Variants in LRP1B observed in about 807,000 individuals in gnomAD.
LRP1B encodes low-density lipoprotein receptor-related protein 1B.
A neutral mutation model predicts 556.6 loss-of-function variants in LRP1B; 217 were observed. The ratio of observed to expected loss-of-function variants is 0.39; its 90% confidence interval spans 0.35 to 0.44. LRP1B has a LOEUF of 0.44. Among genes scored for constraint, LRP1B ranks in the 20% least tolerant of loss-of-function variants. The pLI is 1.00. For missense variants in LRP1B, 5,053 were observed against 5,620.8 expected (o/e 0.90, Z 3.23); for synonymous variants, 2,047 against 1,865.8 (o/e 1.10, Z -2.50).
At chr2:140,710,534 A>T (rs1686994501) in intron 37 of LRP1B, among the ~76,000 whole-genome samples, 1 of 152,004 alleles carries the variant, frequency 6.6e-6, no homozygotes, top group Admixed American at 6.6e-5. Context: ...CATGATTTAC[A>T]TTTTAAAAAC....
At chr2:141,226,464 A>G (rs924286337) in intron 6 of LRP1B, among the ~76,000 whole-genome samples, 2 of 152,176 alleles carry the variant, frequency 1.3e-5, no homozygotes, top group Non-Finnish European at 2.9e-5. Context: ...GTTAACTGCA[A>G]GTCAGTTTGA....
At chr2:141,576,840 T>G (rs1251270122) in intron 2 of LRP1B, among the ~76,000 whole-genome samples, 1 of 151,188 alleles carries the variant, frequency 6.6e-6, no homozygotes, top group Non-Finnish European at 1.5e-5. Context: ...AATTTTTTTG[T>G]AGAGATGGAG....
chr2:142,085,483 A>C (rs1441268599), intron 1 of LRP1B, among the ~76,000 whole-genome samples: 1 of 152,238 alleles, frequency 6.6e-6, no homozygotes, highest in Non-Finnish European at 1.5e-5. Context: ...GAAAAATGTT[A>C]ACTAAGTATT....
intron 2 of LRP1B, among the ~76,000 whole-genome samples, chr2:141,784,617 G>A (rs955208720): frequency 1.3e-5 from 2 of 151,882 alleles, no homozygotes; most frequent in Admixed American, 1.3e-4. Context: ...ACAAAAGCCA[G>A]AAATATGTTT....
intron 32 of LRP1B, among the ~76,000 whole-genome samples, chr2:140,797,785 C>T (rs1690369696): frequency 6.6e-6 from 1 of 151,898 alleles, no homozygotes; most frequent in Non-Finnish European, 1.5e-5. Context: ...AGTTCTATAC[C>T]TAAGGCACTT....
intron 53 of LRP1B, among the ~76,000 whole-genome samples, chr2:140,503,363 C>T (rs1227388455): frequency 6.6e-6 from 1 of 152,048 alleles, no homozygotes. Flanking sequence ...TGACCCTTGA[C>T]TATACCATTT....
intron 35 of LRP1B, among the ~76,000 whole-genome samples, chr2:140,724,803 G>C (rs538627407): frequency 1.2e-3 from 15 of 12,122 alleles, no homozygotes; most frequent in Middle Eastern, 0.12. Flanking sequence ...TTTAATTATC[G>C]AGATAAAAAA....
chr2:140,909,640 T>C (rs900783356), intron 21 of LRP1B, among the ~76,000 whole-genome samples: 8 of 150,992 alleles, frequency 5.3e-5, no homozygotes, highest in African/African-American at 1.7e-4. Context: ...CTAGGACAAT[T>C]AGGTAATAGA....
intron 2 of LRP1B, among the ~76,000 whole-genome samples, chr2:141,799,339 C>A (rs890012469): frequency 3.3e-5 from 5 of 152,176 alleles, no homozygotes; most frequent in Admixed American, 3.3e-4. Flanking sequence ...AGTGTTTTCC[C>A]CATTTGGCCA....
At chr2:140,802,442 T>C (rs1001439015) in intron 32 of LRP1B, among the ~76,000 whole-genome samples, 4 of 152,196 alleles carry the variant, frequency 2.6e-5, no homozygotes, top group Admixed American at 6.5e-5. Context: ...ATTTTCTACA[T>C]GGGTTTAAGA....
intron 41 of LRP1B, among the ~76,000 whole-genome samples, chr2:140,607,618 C>T (rs946941384): frequency 7.6e-5 from 10 of 131,728 alleles, no homozygotes; most frequent in South Asian, 2.7e-4. Flanking sequence ...ATGCTAAACT[C>T]GACCCCCTCT....
At chr2:141,136,370 T>C (rs549104433) in intron 7 of LRP1B, among the ~76,000 whole-genome samples, 43 of 152,000 alleles carry the variant, frequency 2.8e-4, no homozygotes, top group Admixed American at 5.3e-4. Flanking sequence ...AGTTTGCATA[T>C]GAAAATCAGA....
intron 20 of LRP1B, 55 bp from the exon 21 acceptor site, chr2:140,923,202 T>C: frequency 1.5e-6 from 2 of 1,368,938 alleles, no homozygotes; most frequent in Non-Finnish European, 2.0e-6. Context: ...GGAGAGAAAT[T>C]ATGATTTTAC....
chr2:142,015,881 AC>A (rs1478222318), intron 1 of LRP1B, among the ~76,000 whole-genome samples: 29 of 149,210 alleles, frequency 1.9e-4, no homozygotes, highest in African/African-American at 7.1e-4. Flanking sequence ...AGTCCCAGCT[AC>A]TCGGGAGGCT....
chr2:141,951,774 G>A (rs1417351523), intron 1 of LRP1B, among the ~76,000 whole-genome samples: 2 of 151,922 alleles, frequency 1.3e-5, no homozygotes, highest in African/African-American at 4.8e-5. Flanking sequence ...AAATTAGGGG[G>A]TATTCAAACT....
chr2:141,113,377 G>T (rs1217234899), intron 7 of LRP1B, among the ~76,000 whole-genome samples: 1 of 152,100 alleles, frequency 6.6e-6, no homozygotes, highest in African/African-American at 2.4e-5. Flanking sequence ...AAATGAGGGT[G>T]ACTTGCCTTA....
chr2:140,954,198 C>T (rs184589241), intron 18 of LRP1B, among the ~76,000 whole-genome samples: 31 of 152,226 alleles, frequency 2.0e-4, no homozygotes, highest in Middle Eastern at 6.8e-3. Flanking sequence ...CAAGAATCAG[C>T]ACGAACGTTG....
chr2:140,837,174 T>C (rs1300012516), intron 31 of LRP1B, among the ~76,000 whole-genome samples: 1 of 152,204 alleles, frequency 6.6e-6, no homozygotes, highest in Non-Finnish European at 1.5e-5. Context: ...ATTTTTCTCA[T>C]TCAGTTCTCA....
Position 141,046,915 on chromosome 2 carries a change from C to G in LRP1B, c.1789+2071G>C, listed in dbSNP as rs911995541. ...TGGCCAACATGGTGAAACCCCGTCTCTAGTAAAAATACAAAAATTAGTCAG... is the reference window on the plus strand; with the variant it reads ...TGGCCAACATGGTGAAACCCCGTCTGTAGTAAAAATACAAAAATTAGTCAG... On this transcript the variant is annotated intron_variant, in intron 11 of 90. Coordinates refer to ENST00000389484, the MANE Select transcript of LRP1B (RefSeq NM_018557.3). Among the ~76,000 whole-genome samples, 5 of 151,974 alleles carry G rather than the reference C, an allele frequency of 3.3e-5. No individual in the cohort carries two copies. The East Asian group carries it at 9.7e-4, about 30-fold the overall frequency.
Sources: allele counts gnomAD v4.1 joint callset (sites outside exome capture counted in the v4.1 genomes callset), GRCh38; gene constraint gnomAD v4.1.1; transcripts MANE v1.5; gene names NCBI Gene and HGNC (gene_info 2026-07-23, HGNC 2026-07-21).